The following PITPNM2 variants were observed in gnomAD, a reference collection of about 807,000 sequenced individuals.
The protein encoded by PITPNM2 is membrane-associated phosphatidylinositol transfer protein 2.
A neutral mutation model predicts 132.2 loss-of-function variants in PITPNM2; 35 were observed. The ratio of observed to expected loss-of-function variants is 0.26; its 90% CI spans 0.20 to 0.35. The LOEUF (loss-of-function observed/expected upper bound fraction) is 0.35. Among genes scored for constraint, PITPNM2 ranks in the 10% least tolerant of loss-of-function variants. The pLI is 1.00. For missense variants in PITPNM2, 1,332 were observed against 1,912.0 expected (o/e 0.70, Z 5.66); for synonymous variants, 738 against 799.2 (o/e 0.92, Z 1.29).
chr12:123,075,742 T>A (rs1260294), intron 2 of PITPNM2: 2 of 152,232 alleles, frequency 1.3e-5, no homozygotes, highest in African/African-American at 4.8e-5. Flanking sequence ...AGTTATACTT[T>A]AGAGCAGCCG....
chr12:123,045,888 AG>A (rs1402376663), intron 2 of PITPNM2, among the ~76,000 whole-genome samples: 1 of 151,960 alleles, frequency 6.6e-6, no homozygotes, highest in Non-Finnish European at 1.5e-5. Flanking sequence ...CACCACTCTG[AG>A]CCCCCGTGAC....
intron 2 of PITPNM2, among the ~76,000 whole-genome samples, chr12:123,068,856 G>A (rs1020257519): frequency 6.6e-6 from 1 of 152,216 alleles, no homozygotes; most frequent in Admixed American, 6.5e-5. Flanking sequence ...CAGGACAACT[G>A]TAGGATTGAT....
At position 123,010,010 on chromosome 12, in the gene PITPNM2, C is replaced by G; in HGVS notation, c.483G>C (p.Leu161=). Residue 161 remains leucine, a synonymous_variant, in exon 6 of 26, where the codon CTG becomes CTC. Coordinates refer to ENST00000320201, the MANE Select transcript of PITPNM2 (RefSeq NM_020845.3). ...CCCGCTGGGTCTTGGTTGACTGGAACAGCTTGGGGTCCTCTTCTGTCTTAT... is the reference window on the plus strand; with the variant it reads ...CCCGCTGGGTCTTGGTTGACTGGAAGAGCTTGGGGTCCTCTTCTGTCTTAT... ...NEYKTEEDPK[L]FQSTKTQRGP... 6.2e-7 allele frequency: 1 copy of G among 1,614,212 alleles called. No individual in the cohort carries two copies. Among genetic ancestry groups the G allele is most frequent in the South Asian group, 1.1e-5 (1 of 91,086 alleles).
intron 1 of PITPNM2, among the ~76,000 whole-genome samples, chr12:123,145,968 T>C (rs2043606806): frequency 6.6e-6 from 1 of 152,152 alleles, no homozygotes; most frequent in African/African-American, 2.4e-5. Flanking sequence ...TAGAATACTA[T>C]ACAGTCATAA....
At chr12:123,121,135 C>T in intron 1 of PITPNM2, among the ~76,000 whole-genome samples, 1 of 152,256 alleles carries the variant, frequency 6.6e-6, no homozygotes, top group East Asian at 1.9e-4. Flanking sequence ...CCCCAGTGAG[C>T]AGGTCAGCGC....
chr12:123,071,702 C>T (rs569374863), intron 2 of PITPNM2, among the ~76,000 whole-genome samples: 25 of 152,366 alleles, frequency 1.6e-4, no homozygotes, highest in South Asian at 2.1e-4. Flanking sequence ...CACGCTCCTG[C>T]GACGAGGCAG....
At chr12:123,114,416 A>G (rs1326423076) in intron 1 of PITPNM2, among the ~76,000 whole-genome samples, 2 of 150,840 alleles carry the variant, frequency 1.3e-5, no homozygotes, top group Non-Finnish European at 3.0e-5. Context: ...CCGCCTATAC[A>G]TATACACCCT....
At chr12:123,003,430 G>T (rs549686901) in intron 8 of PITPNM2, among the ~76,000 whole-genome samples, 7 of 152,296 alleles carry the variant, frequency 4.6e-5, no homozygotes, top group African/African-American at 1.7e-4. Flanking sequence ...GGAGGGGTGG[G>T]ACGCCAAGAG....
chr12:123,150,512 G>A lies in PITPNM2; in HGVS notation c.-200+241C>T, dbSNP rs1416412738. ...ATCAGCGTTTCGGGCACGGATCCAGGGCCGGCGACTCACTGAGGCCAGGCT... is the reference window on the plus strand; with the variant it reads ...ATCAGCGTTTCGGGCACGGATCCAGAGCCGGCGACTCACTGAGGCCAGGCT... On this transcript the variant is annotated intron_variant, in intron 1 of 25. Coordinates refer to ENST00000320201, the MANE Select transcript of PITPNM2 (RefSeq NM_020845.3). This position sits in a 1 kb window ranked among gnomAD's most constrained non-coding sequence, Gnocchi z 6.0. Among the ~76,000 whole-genome samples, 2 of 152,118 alleles carry A rather than the reference G, an allele frequency of 1.3e-5. No homozygotes were observed. The highest frequency in any genetic ancestry group is 3.9e-4 in the East Asian group (2 of 5,150).
At chr12:123,040,365 A>G (rs1403496147) in intron 2 of PITPNM2, among the ~76,000 whole-genome samples, 2 of 152,142 alleles carry the variant, frequency 1.3e-5, no homozygotes, top group African/African-American at 2.4e-5. Flanking sequence ...ACACTTAAAA[A>G]CTGTTAAAAT....
chr12:123,113,751 A>C (rs1026649799), intron 1 of PITPNM2, among the ~76,000 whole-genome samples: 5 of 151,658 alleles, frequency 3.3e-5, no homozygotes, highest in Admixed American at 2.6e-4. Context: ...TACGGTTATT[A>C]GTCTACTTAC....
At chr12:123,059,400 C>T (rs960411321) in intron 2 of PITPNM2, among the ~76,000 whole-genome samples, 2 of 152,246 alleles carry the variant, frequency 1.3e-5, no homozygotes, top group Admixed American at 1.3e-4. Flanking sequence ...GCCCACAAGG[C>T]TCTGTGACTT....
At chr12:123,069,351 C>T (rs1363510315) in intron 2 of PITPNM2, among the ~76,000 whole-genome samples, 1 of 152,128 alleles carries the variant, frequency 6.6e-6, no homozygotes, top group African/African-American at 2.4e-5. Context: ...GTTTTAAACA[C>T]ATCTCCTGAG....
At chr12:123,069,393 C>T (rs779926603) in intron 2 of PITPNM2, among the ~76,000 whole-genome samples, 3 of 152,192 alleles carry the variant, frequency 2.0e-5, no homozygotes, top group African/African-American at 4.8e-5. Context: ...GAATGAAACA[C>T]GGGGCCTGGT....
In PITPNM2 at chr12:123,005,705, A is replaced by G; in HGVS notation, c.644-157T>C. On this transcript the variant is annotated intron_variant, in intron 6 of 25. Transcript: ENST00000320201. This position sits in a 1 kb window ranked among gnomAD's most constrained non-coding sequence, Gnocchi z 6.2. ...TGCCTGTCTGTGCCTCAGTTTCCCC[A>G]TTTGTAAAATAAGGGGACTGGCTCA... 7.5e-6 allele frequency: 5 copies of G among 669,330 alleles called. No homozygotes were observed. The highest frequency in any genetic ancestry group is 3.8e-5 in the South Asian group (2 of 52,086). 41.5% of individuals were successfully genotyped at this position (669,330 alleles called of 1,614,324 possible).
At chr12:123,062,759 A>C (rs943738663) in intron 2 of PITPNM2, among the ~76,000 whole-genome samples, 5 of 152,210 alleles carry the variant, frequency 3.3e-5, no homozygotes, top group Non-Finnish European at 7.3e-5. Context: ...AATGAGTTAC[A>C]AAAAAGTGTC....
chr12:122,991,064 C>T (rs2038166876), intron 16 of PITPNM2, among the ~76,000 whole-genome samples: 1 of 152,222 alleles, frequency 6.6e-6, no homozygotes, highest in Admixed American at 6.5e-5. Context: ...TGACCCACAG[C>T]CCACAGCAGA....
intron 2 of PITPNM2, among the ~76,000 whole-genome samples, chr12:123,100,925 C>T (rs1371317395): frequency 6.6e-6 from 1 of 152,224 alleles, no homozygotes; most frequent in Non-Finnish European, 1.5e-5. Context: ...TTCCTGACTT[C>T]ACATACGAAG....
intron 16 of PITPNM2, 63 bp from the exon 17 acceptor site, chr12:122,990,772 G>A: frequency 6.7e-7 from 1 of 1,501,754 alleles, no homozygotes. Flanking sequence ...GGAGCAGTGG[G>A]GAAGCCAGTG....
Sources: gnomAD v4.1 joint callset for allele counts (sites outside exome capture counted in the v4.1 genomes callset) on GRCh38, gnomAD v4.1.1 for gene constraint, Gnocchi (gnomAD v3.1) non-coding constraint, MANE v1.5 for transcripts, NCBI Gene and HGNC (gene_info 2026-07-23, HGNC 2026-07-21) for gene names.